LCORL: variants seen among roughly 807,000 people sequenced by gnomAD.
LCORL encodes ligand dependent nuclear receptor corepressor like.
Under a neutral mutation model 141.8 loss-of-function variants are expected in LCORL, and 41 were observed. The ratio of observed to expected loss-of-function variants is 0.29; its 90% confidence interval spans 0.23 to 0.38. The LOEUF (loss-of-function observed/expected upper bound fraction) is 0.38, where lower values mean the gene tolerates loss of function less well. LCORL is among the 10% of genes least tolerant of loss of function. LCORL has a pLI of 1.00. For synonymous variants in LCORL, 618 were observed against 694.1 expected (o/e 0.89, Z 1.72); for missense variants, 1,759 against 2,035.0 (o/e 0.86, Z 2.61).
chr4:17,961,950 A>G, exon 4 of LCORL: 1 of 1,610,828 alleles, frequency 6.2e-7, no homozygotes. Flanking sequence ...TTGGCATTCA[A>G]TCTTATCAGT....
intron 7 of LCORL, chr4:17,866,912 T>C (rs1725740151): frequency 1.4e-6 from 1 of 731,134 alleles, no homozygotes; most frequent in South Asian, 6.2e-5. Flanking sequence ...GGCAGGAATT[T>C]ATCATGGTGT....
intron 4 of LCORL, among the ~76,000 whole-genome samples, chr4:17,942,802 G>A (rs1192034753): frequency 6.6e-6 from 1 of 152,124 alleles, no homozygotes; most frequent in Non-Finnish European, 1.5e-5. Flanking sequence ...CCACAGACTG[G>A]TACCAGTCCA....
intron 1 of LCORL, among the ~76,000 whole-genome samples, chr4:17,995,573 T>C (rs563163397): frequency 6.6e-6 from 1 of 152,296 alleles, no homozygotes; most frequent in East Asian, 1.9e-4. Context: ...CCCTAATTTA[T>C]ACTTATGCAA....
intron 4 of LCORL, among the ~76,000 whole-genome samples, chr4:17,923,414 G>C (rs1036270055): frequency 6.6e-6 from 1 of 152,222 alleles, no homozygotes; most frequent in Non-Finnish European, 1.5e-5. Flanking sequence ...GGAAGGCCAA[G>C]GCAGGCGGAT....
At chr4:18,012,659 T>C (rs1723985927) in intron 1 of LCORL, among the ~76,000 whole-genome samples, 1 of 151,880 alleles carries the variant, frequency 6.6e-6, no homozygotes, top group African/African-American at 2.4e-5. Flanking sequence ...GTAACTTGAT[T>C]AGGAAACTTT....
chr4:17,930,585 A>C (rs546461378), intron 4 of LCORL, among the ~76,000 whole-genome samples: 2 of 152,354 alleles, frequency 1.3e-5, no homozygotes, highest in South Asian at 4.1e-4. Flanking sequence ...TTAGATTAAC[A>C]AGTGAATAAT....
chr4:17,987,905 C>T (rs1719287309), intron 1 of LCORL, among the ~76,000 whole-genome samples: 1 of 152,162 alleles, frequency 6.6e-6, no homozygotes, highest in South Asian at 2.1e-4. Context: ...CACCCATCTG[C>T]AAATATTTTC....
chr4:17,893,875 T>G (rs1729484322), intron 5 of LCORL, among the ~76,000 whole-genome samples: 1 of 152,182 alleles, frequency 6.6e-6, no homozygotes, highest in African/African-American at 2.4e-5. Flanking sequence ...CTTGGCTCAC[T>G]GCAACCTCTG....
intron 7 of LCORL, among the ~76,000 whole-genome samples, chr4:17,863,072 T>C (rs1240817170): frequency 6.6e-6 from 1 of 152,034 alleles, no homozygotes; most frequent in Non-Finnish European, 1.5e-5. Context: ...TCCCAGCACT[T>C]TGGGAGGCTG....
chr4:18,000,401 T>C (rs185711983), intron 1 of LCORL, among the ~76,000 whole-genome samples: 6 of 152,306 alleles, frequency 3.9e-5, no homozygotes, highest in Non-Finnish European at 7.4e-5. Flanking sequence ...AAAGGATTCC[T>C]GGAAAAAGTG....
intron 5 of LCORL, among the ~76,000 whole-genome samples, chr4:17,899,916 T>A (rs1730618208): frequency 6.6e-6 from 1 of 152,154 alleles, no homozygotes; most frequent in African/African-American, 2.4e-5. Context: ...TGTTTAGCCT[T>A]GGGCCCCATC....
intron 4 of LCORL, among the ~76,000 whole-genome samples, chr4:17,930,167 T>C (rs1735778153): frequency 6.6e-6 from 1 of 152,144 alleles, no homozygotes; most frequent in Admixed American, 6.5e-5. Flanking sequence ...CAATGCAAAA[T>C]GCTATAGCCA....
intron 4 of LCORL, among the ~76,000 whole-genome samples, chr4:17,921,047 C>A (rs928447615): frequency 6.6e-6 from 1 of 152,058 alleles, no homozygotes; most frequent in African/African-American, 2.4e-5. Flanking sequence ...TTTTTTGAGA[C>A]AAAGTCTCAC....
At chr4:17,938,447 G>A (rs1368687292) in intron 4 of LCORL, among the ~76,000 whole-genome samples, 12 of 135,904 alleles carry the variant, frequency 8.8e-5, no homozygotes, top group African/African-American at 2.5e-4. Context: ...ATGGAGTTTC[G>A]CTCTTGTTGC....
Position 18,006,751 on chromosome 4 carries a change from A to G in LCORL, c.154+14847T>C, listed in dbSNP as rs1722881716. On this transcript the variant is annotated intron_variant, in intron 1 of 7. Transcript: ENST00000635767. ...GGAAAGACCCATTCCCTATAATTCA[A>G]TTACCTCCCACCAGTTTCCTCCCAT... Among the ~76,000 whole-genome samples, 5 of 152,186 alleles carry G rather than the reference A, an allele frequency of 3.3e-5. No homozygotes were observed. In the South Asian group the frequency reaches 1.0e-3, roughly 32 times the overall value.
chr4:17,879,492 A>C (rs1012248777), intron 6 of LCORL, among the ~76,000 whole-genome samples: 1 of 151,052 alleles, frequency 6.6e-6, no homozygotes, highest in Admixed American at 6.6e-5. Context: ...AAAACTTTTA[A>C]AGTCACTGCC....
In LCORL at chr4:17,949,708, C is replaced by G. The variant is rs144249239; in HGVS notation, c.430+12195G>C. 9.9e-4 allele frequency among the ~76,000 whole-genome samples: 151 copies of G among 152,230 alleles called. 1 individual carries two copies. Among genetic ancestry groups the G allele is most frequent in the African/African-American group, 3.6e-3 (148 of 41,564 alleles). ...TATACTTCTTGTAATTCCATAAAAT[C>G]TATTTCTTAAATTCTGTTATAACAA... On this transcript the variant is annotated intron_variant, in intron 4 of 7. Transcript: ENST00000635767.
intron 1 of LCORL, among the ~76,000 whole-genome samples, chr4:17,995,178 A>T (rs1388491860): frequency 6.7e-6 from 1 of 148,534 alleles, no homozygotes; most frequent in Non-Finnish European, 1.5e-5. Context: ...ATTTAGTTTC[A>T]GGGTAACCAC....
At chr4:18,019,535 T>C (rs1344783188) in intron 1 of LCORL, among the ~76,000 whole-genome samples, 3 of 152,264 alleles carry the variant, frequency 2.0e-5, no homozygotes, top group Non-Finnish European at 4.4e-5. Context: ...TTTACTTGAA[T>C]ATACAAGTAG....
Sources: gnomAD v4.1 joint callset for allele counts (sites outside exome capture counted in the v4.1 genomes callset) on GRCh38, gnomAD v4.1.1 for gene constraint, MANE v1.5 for transcripts, NCBI Gene and HGNC (gene_info 2026-07-23, HGNC 2026-07-21) for gene names.